The following SLC34A1 variants were observed in gnomAD, a reference collection of about 807,000 sequenced individuals.
The protein encoded by SLC34A1 is sodium-dependent phosphate transport protein 2A.
A neutral mutation model predicts 51.4 loss-of-function variants in SLC34A1; 57 were observed. The observed-to-expected ratio is 1.11, with a 90% CI of 0.90 to 1.38. The LOEUF is 1.38. Ranked by LOEUF, SLC34A1 falls within the 40% of genes most tolerant of loss-of-function variation. The probability of loss-of-function intolerance (pLI) is 0.00; values close to 1 mark genes in which losing one functional copy is unlikely to be tolerated. For missense variants in SLC34A1, 796 were observed against 835.6 expected, an observed-to-expected ratio of 0.95 and a Z score of 0.58; for synonymous variants, 368 against 358.0, an observed-to-expected ratio of 1.03 and a Z score of -0.32.
At position 177,396,148 on chromosome 5, in the gene SLC34A1, T is replaced by C. The variant is rs1581647801; in HGVS notation, c.1175-585T>C. Among the ~76,000 whole-genome samples, 1 of 152,114 alleles carries C rather than the reference T, an allele frequency of 6.6e-6. No individual in the cohort carries two copies. The highest frequency in any genetic ancestry group is 1.5e-5 in the Non-Finnish European group (1 of 68,032). On this transcript the variant is annotated intron_variant, in intron 10 of 12. Coordinates refer to ENST00000324417, the MANE Select transcript of SLC34A1 (RefSeq NM_003052.5). The surrounding 1 kb of genome is among the most constrained non-coding windows in gnomAD (Gnocchi z 4.0). ...ACAAGTACTAGAATAAGGGGTATCA[T>C]GGGGCTGTGGGAGCTCAGAGAAGGG...
chr5:177,391,997 A>G (rs990628666), intron 8 of SLC34A1, among the ~76,000 whole-genome samples: 1 of 152,152 alleles, frequency 6.6e-6, no homozygotes. Flanking sequence ...TTTCTCATCT[A>G]GCCCATCGCA....
chr5:177,387,847 G>A lies in SLC34A1; in HGVS notation c.618G>A (p.Gln206=), dbSNP rs1355133192. The change falls in exon 6 of 13, where the codon CAG becomes CAA. Residue 206 remains glutamine, a synonymous_variant. Coordinates refer to ENST00000324417, the MANE Select transcript of SLC34A1 (RefSeq NM_003052.5). ...SVTNTIVALM[Q]AGDRTDFRRA... ...CCAACACCATCGTGGCCCTGATGCA[G>A]GCGGGGGACAGGACTGACTTCCGGC... 6.2e-7 allele frequency: 1 copy of A among 1,613,698 alleles called. No individual in the cohort carries two copies. Among genetic ancestry groups the A allele is most frequent in the South Asian group, 1.1e-5 (1 of 91,060 alleles).
At chr5:177,385,322 T>C (rs1762522620) in intron 1 of SLC34A1, among the ~76,000 whole-genome samples, 1 of 152,190 alleles carries the variant, frequency 6.6e-6, no homozygotes. Context: ...GTGTCTTTTA[T>C]CAATGCTATA....
At position 177,388,216 on chromosome 5, in the gene SLC34A1, AG is replaced by A. The variant is rs560333772; in HGVS notation, c.840+30del. 102 of 1,613,890 alleles carry A rather than the reference AG, an allele frequency of 6.3e-5. No homozygotes were observed. The African/African-American group carries it at 1.1e-3, about 17-fold the overall frequency. On this transcript the variant is annotated intron_variant, in intron 7 of 12. Coordinates refer to ENST00000324417, the MANE Select transcript of SLC34A1 (RefSeq NM_003052.5). This position sits in a 1 kb window ranked among gnomAD's most constrained non-coding sequence, Gnocchi z 4.3. ...TGACAGCAGGGCCTGGCATGGGGTG[AG>A]GGTGGGGGTAACAAGGGACCCAGCC... is the stretch of plus-strand genomic sequence containing the variant.
chr5:177,390,269 C>G, intron 8 of SLC34A1: 6 of 990,138 alleles, frequency 6.1e-6, no homozygotes, highest in Non-Finnish European at 7.2e-6. Flanking sequence ...GTTGAGTGAT[C>G]AGACACTTGA....
rs1356553398 is a variant in SLC34A1, at chr5:177,386,757, TC to T, written c.532+195del. 6.6e-6 allele frequency among the ~76,000 whole-genome samples: 1 copy of T among 152,038 alleles called. No homozygotes were observed. The highest frequency in any genetic ancestry group is 2.4e-5 in the African/African-American group (1 of 41,384). On this transcript the variant is annotated intron_variant, in intron 5 of 12. Coordinates refer to ENST00000324417, the MANE Select transcript of SLC34A1 (RefSeq NM_003052.5). The surrounding 1 kb of genome is among the most constrained non-coding windows in gnomAD (Gnocchi z 4.8). ...GATGATTTATGGCAAGGAACTGGCT[TC>T]CCCGATGGTAGTTTGTCTGGGCAAG...
In SLC34A1 at chr5:177,386,344, C is replaced by A; in HGVS notation, c.383C>A (p.Ala128Asp). 1.9e-6 allele frequency: 3 copies of A among 1,614,260 alleles called. No individual in the cohort carries two copies. Among genetic ancestry groups the A allele is most frequent in the Non-Finnish European group, 2.5e-6 (3 of 1,180,044 alleles). Residue 128 changes from alanine to aspartate, a missense_variant, in exon 4 of 13, where the codon GCT becomes GAT. Ala to Asp is a moderately radical substitution (Grantham distance 126). Coordinates refer to ENST00000324417, the MANE Select transcript of SLC34A1 (RefSeq NM_003052.5). The surrounding 1 kb of genome is among the most constrained non-coding windows in gnomAD (Gnocchi z 4.8). ...LDMLSSAFQL[A>D]GGKVAGDIFK... ...ATGCTCAGCTCGGCCTTCCAGCTGGCTGGAGGTAGGGCCCGGGTGGAGGAG... is the reference window on the plus strand; with the variant it reads ...ATGCTCAGCTCGGCCTTCCAGCTGGATGGAGGTAGGGCCCGGGTGGAGGAG...
Position 177,387,822 on chromosome 5 carries a change from C to T in SLC34A1, c.593C>T (p.Thr198Ile). The change falls in exon 6 of 13, where the codon ACC (threonine) becomes ATC (isoleucine). Residue 198 changes from threonine (T) to isoleucine (I), a missense_variant. Thr to Ile is a moderately conservative substitution (Grantham distance 89). Transcript: ENST00000324417. Reference sequence around the variant, plus strand: ...GGCTCCAACATCGGCACCTCTGTCACCAACACCATCGTGGCCCTGATGCAG... The same window carrying T: ...GGCTCCAACATCGGCACCTCTGTCATCAACACCATCGTGGCCCTGATGCAG... ...IMGSNIGTSVTNTIVALMQAG... is the reference protein window; with the variant it reads ...IMGSNIGTSVINTIVALMQAG... The T allele has an allele frequency of 1.2e-6, 2 of 1,613,884 alleles. No individual in the cohort carries two copies. Among genetic ancestry groups the T allele is most frequent in the Non-Finnish European group, 1.7e-6 (2 of 1,179,968 alleles).
intron 8 of SLC34A1, chr5:177,389,490 T>A (rs1473904634): frequency 8.9e-6 from 8 of 897,328 alleles, no homozygotes; most frequent in Middle Eastern, 2.8e-4. Context: ...AGCCTCTGAG[T>A]GTTCAAAGCA....
rs1358011343 is a variant in SLC34A1, at chr5:177,385,806, A to G, written c.65A>G (p.His22Arg). The G allele has an allele frequency of 6.2e-7, 1 of 1,613,412 alleles. No homozygotes were observed. Among genetic ancestry groups the G allele is most frequent in the Admixed American group, 1.7e-5 (1 of 60,006 alleles). The change falls in exon 2 of 13, where the codon CAT becomes CGT. Residue 22 changes from histidine to arginine, a missense_variant. His to Arg is a conservative substitution (Grantham distance 29). Transcript: ENST00000324417. ...TCCCCACTCCCAGTCCGTGGGGGGC[A>G]TGTGATGCGAGGGACGGCCTTTGCC... ...AVSPLPVRGG[H>R]VMRGTAFAYV...
At chr5:177,395,038 T>C (rs6556317) in intron 10 of SLC34A1, among the ~76,000 whole-genome samples, 4,388 of 151,994 alleles carry the variant, frequency 0.029, 201 homozygotes, top group African/African-American at 0.1. Context: ...CTGGGCATGG[T>C]GGTGTGCTCC....
In SLC34A1 at chr5:177,398,567, C is replaced by T. The variant is rs1763046904; in HGVS notation, c.*281C>T. ...AGACACACCTGTGGGAGGCTGTGTGCAGGCTGCAGGATATCTGGGTATGAT... is the reference window on the plus strand; with the variant it reads ...AGACACACCTGTGGGAGGCTGTGTGTAGGCTGCAGGATATCTGGGTATGAT... On this transcript the variant is annotated 3_prime_UTR_variant, in exon 13 of 13. Coordinates refer to ENST00000324417, the MANE Select transcript of SLC34A1 (RefSeq NM_003052.5). The surrounding 1 kb of genome is among the most constrained non-coding windows in gnomAD (Gnocchi z 4.7). The T allele has an allele frequency of 1.8e-6, 1 of 553,780 alleles. No homozygotes were observed. The highest frequency in any genetic ancestry group is 3.3e-6 in the Non-Finnish European group (1 of 304,336). The allele number at this position is 553,780 out of a possible 1,614,324, so 34.3% of individuals were successfully genotyped here. A position where few individuals can be genotyped will look rare whatever the true frequency, so the allele number is the denominator to read the frequency against.
rs1271715563 is a variant in SLC34A1, at chr5:177,388,024, C to CT, written c.678dup (p.Asn227Ter). The CT allele has an allele frequency of 1.9e-6, 3 of 1,613,970 alleles. No homozygotes were observed. Among genetic ancestry groups the CT allele is most frequent in the Non-Finnish European group, 2.5e-6 (3 of 1,179,940 alleles). Reference sequence around the variant, plus strand: ...TCGCGGGGGCCACGGTGCATGACTGCTTTAACTGGCTGTCAGTGCTGGTCC... The same window carrying CT: ...TCGCGGGGGCCACGGTGCATGACTGCTTTTAACTGGCTGTCAGTGCTGGTCC... On this transcript the variant is annotated frameshift_variant, in exon 7 of 13. Transcript: ENST00000324417. LOFTEE classifies it high-confidence loss of function. The surrounding 1 kb of genome is among the most constrained non-coding windows in gnomAD (Gnocchi z 4.3).
rs1762980757 is a variant in SLC34A1 at position 177,396,740 on chromosome 5, T to C, written c.1182T>C (p.Pro394=). The change falls in exon 11 of 13, where the codon CCT becomes CCC. Residue 394 remains proline, a synonymous_variant. Coordinates refer to ENST00000324417, the MANE Select transcript of SLC34A1 (RefSeq NM_003052.5). The surrounding 1 kb of genome is among the most constrained non-coding windows in gnomAD (Gnocchi z 4.0). ...VIQKVINTDF[P]APFTWVTGYF... ...GATGCGGTTTCCTTGCAGACTTCCC[T>C]GCCCCCTTCACCTGGGTCACAGGCT... The C allele has an allele frequency of 6.2e-7, 1 of 1,614,110 alleles. No individual in the cohort carries two copies. The highest frequency in any genetic ancestry group is 8.5e-7 in the Non-Finnish European group (1 of 1,180,030).
At chr5:177,389,667 A>C (rs1434380971) in intron 8 of SLC34A1, 1 of 1,537,150 alleles carries the variant, frequency 6.5e-7, no homozygotes, top group Non-Finnish European at 8.7e-7. Context: ...GAAATCACAC[A>C]CTTTGATCTT....
intron 8 of SLC34A1, among the ~76,000 whole-genome samples, chr5:177,392,243 C>G (rs1256574252): frequency 2.6e-5 from 4 of 152,230 alleles, no homozygotes; most frequent in Non-Finnish European, 5.9e-5. Context: ...GGGTGAATCA[C>G]CTGAGGTCAG....
rs1478264189 is a variant in SLC34A1, at chr5:177,397,033, GC to G, written c.1378del (p.Leu460TrpfsTer83). The G allele has an allele frequency of 1.2e-6, 2 of 1,613,958 alleles. No individual in the cohort carries two copies. The highest frequency in any genetic ancestry group is 1.7e-6 in the Non-Finnish European group (2 of 1,180,014). Reference protein sequence around the residue: ...IGTTTTAILAALASPREKLSS... With the variant: ...IGTTTTAILAXLASPREKLSS... ...CACCACCACCACGGCCATCCTGGCT[GC>G]CCTGGCCAGCCCCAGGGAGAAGCTG... On this transcript the variant is annotated frameshift_variant, in exon 12 of 13. Coordinates refer to ENST00000324417, the MANE Select transcript of SLC34A1 (RefSeq NM_003052.5). LOFTEE classifies it high-confidence loss of function.
chr5:177,392,777 C>A (rs559132207), intron 8 of SLC34A1, among the ~76,000 whole-genome samples: 23 of 152,284 alleles, frequency 1.5e-4, no homozygotes, highest in African/African-American at 5.3e-4. Context: ...GTGTACACCA[C>A]CATGCCCTAA....
In SLC34A1 at chr5:177,387,819, T is replaced by C. The variant is rs774016168; in HGVS notation, c.590T>C (p.Val197Ala). The change falls in exon 6 of 13, where the codon GTC becomes GCC. Residue 197 changes from valine to alanine, a missense_variant. Val to Ala is a moderately conservative substitution (Grantham distance 64). Coordinates refer to ENST00000324417, the MANE Select transcript of SLC34A1 (RefSeq NM_003052.5). ...ATGGGCTCCAACATCGGCACCTCTG[T>C]CACCAACACCATCGTGGCCCTGATG... ...IIMGSNIGTS[V>A]TNTIVALMQA... The C allele has an allele frequency of 8.2e-6, 13 of 1,588,532 alleles. No individual in the cohort carries two copies. Among genetic ancestry groups the C allele is most frequent in the Non-Finnish European group, 1.1e-5 (13 of 1,169,476 alleles).
Sources: allele counts gnomAD v4.1 joint callset (sites outside exome capture counted in the v4.1 genomes callset), GRCh38; gene constraint gnomAD v4.1.1; non-coding constraint Gnocchi (gnomAD v3.1); transcripts MANE v1.5; gene names NCBI Gene and HGNC (gene_info 2026-07-23, HGNC 2026-07-21).